The following TCF4 variants were observed in gnomAD, a reference collection of about 807,000 sequenced individuals.
TCF4 encodes transcription factor 4.
TCF4 carries 3 observed loss-of-function variants against 82.1 expected under a neutral mutation model. The ratio of observed to expected loss-of-function variants is 0.04; its 90% CI spans 0.02 to 0.09. The LOEUF is 0.09. Among genes scored for constraint, TCF4 ranks in the 10% least tolerant of loss-of-function variants. TCF4 has a pLI of 1.00. For synonymous variants in TCF4, 276 were observed against 309.6 expected (o/e 0.89, Z 1.14); for missense variants, 518 against 852.7 (o/e 0.61, Z 4.89).
At chr18:55,571,068 T>A (rs200599167) in intron 3 of TCF4, among the ~76,000 whole-genome samples, 1 of 152,066 alleles carries the variant, frequency 6.6e-6, no homozygotes, top group East Asian at 1.9e-4. Flanking sequence ...AACCAACAAT[T>A]CTACTCATAG....
chr18:55,491,441 T>C (rs2145817184), intron 3 of TCF4, among the ~76,000 whole-genome samples: 1 of 152,314 alleles, frequency 6.6e-6, no homozygotes, highest in South Asian at 2.1e-4. Context: ...CAAGCAATTA[T>C]ATCCCTAACT....
At chr18:55,418,004 TGTGTGTGTGTG>T (rs1396442348) in intron 5 of TCF4, among the ~76,000 whole-genome samples, 1 of 17,936 alleles carries the variant, frequency 5.6e-5, no homozygotes, top group African/African-American at 9.4e-4. Flanking sequence ...CTTGAGCAAA[TGTGTGTGTGTG>T]TGTGTGTGTG....
At chr18:55,427,575 C>T (rs1445137529) in intron 5 of TCF4, among the ~76,000 whole-genome samples, 7 of 152,108 alleles carry the variant, frequency 4.6e-5, no homozygotes, top group Non-Finnish European at 5.9e-5. Flanking sequence ...ATCTTGATGC[C>T]TCCATCTTCT....
intron 3 of TCF4, among the ~76,000 whole-genome samples, chr18:55,523,678 T>TA (rs1568309285): frequency 6.6e-6 from 1 of 151,968 alleles, no homozygotes; most frequent in Non-Finnish European, 1.5e-5. Flanking sequence ...ACAATTTTTT[T>TA]AAAAAAATAG....
At chr18:55,482,530 G>A (rs1014908309) in intron 3 of TCF4, among the ~76,000 whole-genome samples, 3 of 152,172 alleles carry the variant, frequency 2.0e-5, no homozygotes, top group South Asian at 2.1e-4. Flanking sequence ...TGGAGACAGC[G>A]CCCCAAGAAC....
chr18:55,464,160 T>C (rs1169284594), intron 3 of TCF4, 23 bp from the exon 4 acceptor site: 3 of 1,610,680 alleles, frequency 1.9e-6, no homozygotes, highest in Non-Finnish European at 8.5e-7. Flanking sequence ...GAAAAGTTCT[T>C]TAGGCTTTCT....
chr18:55,525,040 T>C (rs978937714), intron 3 of TCF4, among the ~76,000 whole-genome samples: 5 of 152,168 alleles, frequency 3.3e-5, no homozygotes, highest in African/African-American at 1.2e-4. Flanking sequence ...TGTGTATGCC[T>C]TTCTTCTAGC....
intron 5 of TCF4, among the ~76,000 whole-genome samples, chr18:55,445,039 C>T (rs2095501922): frequency 6.6e-6 from 1 of 152,202 alleles, no homozygotes; most frequent in South Asian, 2.1e-4. Flanking sequence ...ATCATTTCCT[C>T]TTGGAATTGC....
intron 2 of TCF4, among the ~76,000 whole-genome samples, chr18:55,608,641 C>G (rs1042167294): frequency 6.6e-6 from 1 of 151,928 alleles, no homozygotes; most frequent in Non-Finnish European, 1.5e-5. Context: ...TGCTATGGGC[C>G]GTGGGAATAA....
chr18:55,231,699 G>A (rs1287741156), intron 17 of TCF4: 3 of 152,202 alleles, frequency 2.0e-5, no homozygotes, highest in Non-Finnish European at 4.4e-5. Flanking sequence ...TAAACTTGTG[G>A]CAAGACACGG....
intron 10 of TCF4, among the ~76,000 whole-genome samples, chr18:55,273,900 C>T (rs1314609110): frequency 6.6e-6 from 1 of 152,088 alleles, no homozygotes; most frequent in East Asian, 1.9e-4. Context: ...AAAGCTACTT[C>T]CCATGCAGTG....
rs747322989 is a variant in TCF4 at position 55,254,457 on chromosome 18, C to T, written c.1350+40G>A. 7 of 1,589,576 alleles carry T rather than the reference C, an allele frequency of 4.4e-6. 1 individual carries two copies. In the South Asian group the frequency reaches 7.8e-5, roughly 18 times the overall value. ...AGTATCTATATCTGAAATTCTAACT[C>T]TATATGATAACTATAGAGTCTATAA... On this transcript the variant is annotated intron_variant, in intron 15 of 19. Transcript: ENST00000354452.
intron 11 of TCF4, chr18:55,265,334 C>T (rs1370823670): frequency 6.6e-6 from 1 of 152,176 alleles, no homozygotes; most frequent in Non-Finnish European, 1.5e-5. Context: ...AACAGCATAA[C>T]AATGCCATGT....
At chr18:55,401,951 C>T (rs1366707628) in intron 6 of TCF4, 2 of 912,402 alleles carry the variant, frequency 2.2e-6, no homozygotes. Context: ...AGAAACCAGA[C>T]CCACAGGAAC....
At chr18:55,446,136 T>G (rs2095521150) in intron 5 of TCF4, among the ~76,000 whole-genome samples, 1 of 152,160 alleles carries the variant, frequency 6.6e-6, no homozygotes, top group Non-Finnish European at 1.5e-5. Context: ...CTGCCTCCCC[T>G]GCCTCCTTTA....
intron 3 of TCF4, among the ~76,000 whole-genome samples, chr18:55,468,639 C>T (rs577876362): frequency 6.6e-6 from 1 of 152,136 alleles, no homozygotes; most frequent in Non-Finnish European, 1.5e-5. Context: ...AGGAAAGAAA[C>T]ATACTTGACA....
intron 6 of TCF4, among the ~76,000 whole-genome samples, chr18:55,376,019 T>C (rs2090639347): frequency 9.3e-6 from 1 of 107,302 alleles, no homozygotes; most frequent in Non-Finnish European, 1.9e-5. Context: ...TTTCTTCTCC[T>C]TTTTTTTTTT....
At chr18:55,313,984 T>C (rs1460564071) in intron 8 of TCF4, among the ~76,000 whole-genome samples, 2 of 152,160 alleles carry the variant, frequency 1.3e-5, no homozygotes, top group Non-Finnish European at 2.9e-5. Flanking sequence ...ACGTTGGCGA[T>C]ATTTGCAACT....
intron 3 of TCF4, among the ~76,000 whole-genome samples, chr18:55,578,287 T>C (rs1426607129): frequency 6.6e-6 from 1 of 152,080 alleles, no homozygotes; most frequent in Non-Finnish European, 1.5e-5. Flanking sequence ...AAATATACAG[T>C]TGGTACCATC....
Sources: allele counts gnomAD v4.1 joint callset (sites outside exome capture counted in the v4.1 genomes callset), GRCh38; gene constraint gnomAD v4.1.1; transcripts MANE v1.5; gene names NCBI Gene and HGNC (gene_info 2026-07-23, HGNC 2026-07-21).